Variants in TNFSF12 observed in about 807,000 individuals in gnomAD.
TNFSF12 encodes the protein TNF superfamily member 12.
A neutral mutation model predicts 31.2 loss-of-function variants in TNFSF12; 16 were observed. The ratio of observed to expected loss-of-function variants is 0.51; its 90% CI spans 0.35 to 0.78. TNFSF12 has a LOEUF of 0.78. TNFSF12 is among the 30% of genes least tolerant of loss of function. TNFSF12 has a pLI of 0.01. For missense variants in TNFSF12, 324 were observed against 338.8 expected (o/e 0.96, Z 0.34); for synonymous variants, 150 against 151.4 (o/e 0.99, Z 0.07).
chr17:7,555,517 G>A (rs778879656), intron 5 of TNFSF12, among the ~76,000 whole-genome samples: 49 of 152,214 alleles, frequency 3.2e-4, no homozygotes, highest in Non-Finnish European at 2.9e-4. Flanking sequence ...GTGAGCCATC[G>A]GAAGGAGGAA....
chr17:7,555,988 T>TG (rs1412710407), intron 5 of TNFSF12, among the ~76,000 whole-genome samples: 1 of 128,366 alleles, frequency 7.8e-6, no homozygotes, highest in Non-Finnish European at 1.6e-5. Context: ...TTTTGTTTTT[T>TG]TTTTTTTTTG....
intron 5 of TNFSF12, among the ~76,000 whole-genome samples, chr17:7,553,023 C>CTTTCTTTTCTTTTTTT (rs1567721053): frequency 1.5e-5 from 1 of 66,054 alleles, no homozygotes. Flanking sequence ...CAGGGACAAC[C>CTTTCTTTTCTTTTTTT]TTTTTTTTTT....
In TNFSF12 at chr17:7,556,824, C is replaced by T. The variant is rs867374603; in HGVS notation, c.420C>T (p.Ser140=). ...VSGWEEARIN[S]SSPLRYNRQI... ...GCTGGGAGGAAGCCAGAATCAACAGCTCCAGCCCTCTGCGCTACAACCGCC... is the reference window on the plus strand; with the variant it reads ...GCTGGGAGGAAGCCAGAATCAACAGTTCCAGCCCTCTGCGCTACAACCGCC... Residue 140 remains serine, a synonymous_variant, in exon 6 of 7, where the codon AGC becomes AGT. Transcript: ENST00000293825. 2 of 1,560,228 alleles carry T rather than the reference C, an allele frequency of 1.3e-6. No homozygotes were observed. The highest frequency in any genetic ancestry group is 3.4e-4 in the Middle Eastern group (2 of 5,832).
At chr17:7,553,022 CCTTTTTTTTTTTTTTTTTTTTT>C (rs1170252023) in intron 5 of TNFSF12, among the ~76,000 whole-genome samples, 1 of 101,042 alleles carries the variant, frequency 9.9e-6, no homozygotes, top group African/African-American at 4.1e-5. Flanking sequence ...GCAGGGACAA[CCTTTTTTTTTTTTTTTTTTTTT>C]TTTTTTTTTT....
At position 7,550,008 on chromosome 17, in the gene TNFSF12, C is replaced by G. The variant is rs2070982046; in HGVS notation, c.208-112C>G. 4.5e-6 allele frequency: 7 copies of G among 1,550,864 alleles called. No homozygotes were observed. In the South Asian group the frequency reaches 8.0e-5, roughly 18 times the overall value. ...GCTGTAGTTGGCTGAGGGGCTTAAT[C>G]TGTCCCTGACTTCTGTGTCTATTGC... On this transcript the variant is annotated intron_variant, in intron 2 of 6. Transcript: ENST00000293825. This position sits in a 1 kb window ranked among gnomAD's most constrained non-coding sequence, Gnocchi z 4.4.
rs2070976642 is a variant in TNFSF12, at chr17:7,549,587, A to C, written c.207+66A>C. On this transcript the variant is annotated intron_variant, in intron 2 of 6. Coordinates refer to ENST00000293825, the MANE Select transcript of TNFSF12 (RefSeq NM_003809.3). This position sits in a 1 kb window ranked among gnomAD's most constrained non-coding sequence, Gnocchi z 4.1. ...GGGAAGTGTGCACAGCCGAGGCTGCAGGTGTGTGCAGCTGTGCCAGCCGTA... is the reference window on the plus strand; with the variant it reads ...GGGAAGTGTGCACAGCCGAGGCTGCCGGTGTGTGCAGCTGTGCCAGCCGTA... 1 of 1,468,652 alleles carries C rather than the reference A, an allele frequency of 6.8e-7. No homozygotes were observed. The highest frequency in any genetic ancestry group is 2.3e-5 in the Admixed American group (1 of 44,082). 91.0% of individuals were successfully genotyped at this position (1,468,652 alleles called of 1,614,324 possible).
At chr17:7,552,554 C>T (rs1425888023) in intron 5 of TNFSF12, among the ~76,000 whole-genome samples, 4 of 152,038 alleles carry the variant, frequency 2.6e-5, no homozygotes, top group Admixed American at 6.6e-5. Flanking sequence ...GTCTTGAACT[C>T]CTGATCTCAG....
At chr17:7,553,221 G>C (rs561369542) in intron 5 of TNFSF12, among the ~76,000 whole-genome samples, 1 of 151,750 alleles carries the variant, frequency 6.6e-6, no homozygotes, top group Non-Finnish European at 1.5e-5. Flanking sequence ...GGCTAATTTT[G>C]TATTTTTAGT....
rs1367179093 is a variant in TNFSF12, at chr17:7,550,864, G to A, written c.337+12G>A. The A allele has an allele frequency of 6.2e-7, 1 of 1,613,260 alleles. No homozygotes were observed. On this transcript the variant is annotated intron_variant, in intron 4 of 6. Coordinates refer to ENST00000293825, the MANE Select transcript of TNFSF12 (RefSeq NM_003809.3). This position sits in a 1 kb window ranked among gnomAD's most constrained non-coding sequence, Gnocchi z 4.4. The stretch of plus-strand genomic sequence containing the variant: ...AGCCCATTATGAAGGTGGGTGATGG[G>A]TGAGCCATACCCAGGAGGAGAGGGG...
chr17:7,556,977 C>T, intron 6 of TNFSF12, 75 bp downstream of exon 6: 1 of 1,508,076 alleles, frequency 6.6e-7, no homozygotes, highest in Non-Finnish European at 8.9e-7. Flanking sequence ...GGGGGACAAG[C>T]TACAGGGCTG....
At chr17:7,555,192 T>C (rs2071046927) in intron 5 of TNFSF12, among the ~76,000 whole-genome samples, 3 of 151,756 alleles carry the variant, frequency 2.0e-5, no homozygotes, top group African/African-American at 7.3e-5. Context: ...AGAACAATAA[T>C]AAAAGTGGCC....
At chr17:7,554,653 CTTG>C (rs2071039608) in intron 5 of TNFSF12, among the ~76,000 whole-genome samples, 2 of 145,030 alleles carry the variant, frequency 1.4e-5, no homozygotes, top group South Asian at 4.4e-4. Context: ...GAGTTTTGCT[CTTG>C]TTGCCCCAGC....
intron 5 of TNFSF12, among the ~76,000 whole-genome samples, chr17:7,553,347 C>A (rs562698417): frequency 3.2e-4 from 49 of 152,228 alleles, no homozygotes; most frequent in South Asian, 1.0e-3. Flanking sequence ...CTGCACCCGG[C>A]CTAGGACAAC....
intron 5 of TNFSF12, 148 bp from the exon 6 acceptor site, chr17:7,556,630 T>TA: frequency 7.8e-7 from 1 of 1,282,032 alleles, no homozygotes; most frequent in Non-Finnish European, 1.0e-6. Flanking sequence ...ATGGGCATCA[T>TA]AGGGGATGGG....
chr17:7,550,241 A>T lies in TNFSF12; in HGVS notation c.283+46A>T. On this transcript the variant is annotated intron_variant, in intron 3 of 6. Coordinates refer to ENST00000293825, the MANE Select transcript of TNFSF12 (RefSeq NM_003809.3). This position sits in a 1 kb window ranked among gnomAD's most constrained non-coding sequence, Gnocchi z 4.4. Reference sequence around the variant, plus strand: ...ACCTCAGGAAGCGGGCAGAGCAAAAACCATTATCCACAGGGAGAAACTGAG... The same window carrying T: ...ACCTCAGGAAGCGGGCAGAGCAAAATCCATTATCCACAGGGAGAAACTGAG... The T allele has an allele frequency of 6.2e-7, 1 of 1,613,518 alleles. No homozygotes were observed.
chr17:7,549,391 T>C lies in TNFSF12; in HGVS notation c.159+79T>C. Reference sequence around the variant, plus strand: ...AGGGGCCGCTGGGGGCCGCGTGGGCTGAAGGCAAGGGGAAGGGAGGATGGG... The same window carrying C: ...AGGGGCCGCTGGGGGCCGCGTGGGCCGAAGGCAAGGGGAAGGGAGGATGGG... On this transcript the variant is annotated intron_variant, in intron 1 of 6. Transcript: ENST00000293825. The surrounding 1 kb of genome is among the most constrained non-coding windows in gnomAD (Gnocchi z 4.1). The C allele has an allele frequency of 1.4e-6, 2 of 1,410,900 alleles. No individual in the cohort carries two copies. The highest frequency in any genetic ancestry group is 2.7e-5 in the East Asian group (1 of 36,930). 87.4% of individuals were successfully genotyped at this position (1,410,900 alleles called of 1,614,324 possible). A position where few individuals can be genotyped will look rare whatever the true frequency, so the allele number is the denominator to read the frequency against.
rs761260715 is a variant in TNFSF12 at position 7,557,273 on chromosome 17, C to A, written c.673C>A (p.Arg225=). The change falls in exon 7 of 7, where the codon CGG becomes AGG. Residue 225 remains arginine, a synonymous_variant. Coordinates refer to ENST00000293825, the MANE Select transcript of TNFSF12 (RefSeq NM_003809.3). This position sits in a 1 kb window ranked among gnomAD's most constrained non-coding sequence, Gnocchi z 5.2. ...LLALRPGSSL[R]IRTLPWAHLK... Reference sequence around the variant, plus strand: ...GGCCCTGCGGCCAGGGTCCTCCCTGCGGATCCGCACCCTCCCCTGGGCCCA... The same window carrying A: ...GGCCCTGCGGCCAGGGTCCTCCCTGAGGATCCGCACCCTCCCCTGGGCCCA... The A allele has an allele frequency of 2.5e-6, 4 of 1,613,652 alleles. No individual in the cohort carries two copies. Among genetic ancestry groups the A allele is most frequent in the Non-Finnish European group, 3.4e-6 (4 of 1,179,950 alleles).
rs1036232885 is a variant in TNFSF12 at position 7,549,300 on chromosome 17, G to T, written c.147G>T (p.Ser49=). ...LAVVSLGSRA[S]LSAQEPAQEE... ...TGGTCAGTTTGGGGAGCCGGGCATC[G>T]CTGTCCGCCCAGGTGAGGCCCCGCT... The change falls in exon 1 of 7, where the codon TCG becomes TCT. Residue 49 remains serine (S), a synonymous_variant. Transcript: ENST00000293825. The surrounding 1 kb of genome is among the most constrained non-coding windows in gnomAD (Gnocchi z 4.1). 4 of 1,392,240 alleles carry T rather than the reference G, an allele frequency of 2.9e-6. No individual in the cohort carries two copies. The highest frequency in any genetic ancestry group is 3.7e-6 in the Non-Finnish European group (4 of 1,073,832). 86.2% of individuals were successfully genotyped at this position (1,392,240 alleles called of 1,614,324 possible). A position where few individuals can be genotyped will look rare whatever the true frequency, so the allele number is the denominator to read the frequency against.
chr17:7,550,160 C>T lies in TNFSF12; in HGVS notation c.248C>T (p.Pro83Leu), dbSNP rs2070984444. Residue 83 changes from proline (P) to leucine (L), a missense_variant, in exon 3 of 7, where the codon CCT becomes CTT. Pro to Leu is a moderately conservative substitution (Grantham distance 98, BLOSUM62 -3). Coordinates refer to ENST00000293825, the MANE Select transcript of TNFSF12 (RefSeq NM_003809.3). The surrounding 1 kb of genome is among the most constrained non-coding windows in gnomAD (Gnocchi z 4.4). Reference sequence around the variant, plus strand: ...ACAGAAGAAAGCCAGGATCCTGCGCCTTTCCTGAACCGACTAGTTCGGCCT... The same window carrying T: ...ACAGAAGAAAGCCAGGATCCTGCGCTTTTCCTGAACCGACTAGTTCGGCCT... ...PQTEESQDPA[P>L]FLNRLVRPRR... 5 of 1,614,162 alleles carry T rather than the reference C, an allele frequency of 3.1e-6. No homozygotes were observed. The highest frequency in any genetic ancestry group is 4.2e-6 in the Non-Finnish European group (5 of 1,180,028).
Sources: gnomAD v4.1 joint callset for allele counts (sites outside exome capture counted in the v4.1 genomes callset) on GRCh38, gnomAD v4.1.1 for gene constraint, Gnocchi (gnomAD v3.1) non-coding constraint, MANE v1.5 for transcripts, NCBI Gene and HGNC (gene_info 2026-07-23, HGNC 2026-07-21) for gene names.